The following MROH7 variants were observed in gnomAD, a reference collection of about 807,000 sequenced individuals.
MROH7 encodes maestro heat like repeat family member 7.
A neutral mutation model predicts 129.2 loss-of-function variants in MROH7; 113 were observed. That is an observed-to-expected ratio of 0.87 (90% confidence interval 0.75 to 1.02). The LOEUF (loss-of-function observed/expected upper bound fraction) is 1.02, where lower values mean the gene tolerates loss of function less well. Among genes scored for constraint, MROH7 ranks in the 50% least tolerant of loss-of-function variants. The pLI, the probability that MROH7 is intolerant of heterozygous loss-of-function variation, is 0.00. For synonymous variants in MROH7, 655 were observed against 667.9 expected, an observed-to-expected ratio of 0.98 and a Z score of 0.30; for missense variants, 1,601 against 1,671.3, an observed-to-expected ratio of 0.96 and a Z score of 0.73.
At chr1:54,708,428 A>ACAAACAAG (rs1419337395) in intron 22 of MROH7, among the ~76,000 whole-genome samples, 1 of 151,848 alleles carries the variant, frequency 6.6e-6, no homozygotes, top group Non-Finnish European at 1.5e-5. Flanking sequence ...AAACAAACAA[A>ACAAACAAG]CAAACAAACA....
At chr1:54,704,726 G>A (rs1051219095) in intron 21 of MROH7, among the ~76,000 whole-genome samples, 5 of 148,654 alleles carry the variant, frequency 3.4e-5, no homozygotes, top group African/African-American at 5.0e-5. Flanking sequence ...GATTACAGGC[G>A]TGAACCACTA....
In MROH7 at chr1:54,692,490, G is replaced by A; in HGVS notation, c.2778G>A (p.Leu926=). Residue 926 remains leucine (L), a synonymous_variant, in exon 16 of 24, where the codon CTG becomes CTA. Transcript: ENST00000421030. ...GCTGCTCTTATGAGACCACGTTTCT[G>A]GAGGACCAGGGTGGCTGGGAGCTCA... ...RMGCSYETTF[L]EDQGGWELME... 1 of 1,614,142 alleles carries A rather than the reference G, an allele frequency of 6.2e-7. No individual in the cohort carries two copies. The highest frequency in any genetic ancestry group is 2.2e-5 in the East Asian group (1 of 44,860).
chr1:54,686,381 C>A lies in MROH7; in HGVS notation c.2644C>A (p.Pro882Thr). The change falls in exon 15 of 24, where the codon CCT becomes ACT. Residue 882 changes from proline to threonine, a missense_variant. Pro to Thr is a conservative substitution (Grantham distance 38, BLOSUM62 -1). Transcript: ENST00000421030. The stretch of plus-strand genomic sequence containing the variant: ...CCATTACCACATCGGCCTCAACCTG[C>A]CTGGCTGCGTGGCTCCTCCCAAGGA... ...QVHYHIGLNLPGCVAPPKDTK... is the reference protein window; with the variant it reads ...QVHYHIGLNLTGCVAPPKDTK... The A allele has an allele frequency of 1.9e-6, 3 of 1,614,190 alleles. No homozygotes were observed. The highest frequency in any genetic ancestry group is 2.5e-6 in the Non-Finnish European group (3 of 1,180,034).
At chr1:54,655,643 G>A (rs1166320244) in intron 3 of MROH7, among the ~76,000 whole-genome samples, 1 of 151,936 alleles carries the variant, frequency 6.6e-6, no homozygotes. Context: ...TCCTCCCAGA[G>A]CTCTGGGACT....
In MROH7 at chr1:54,699,152, T is replaced by TTCTTTC. The variant is rs1645382115; in HGVS notation, c.2965-1167_2965-1162dup. ...TTTCTTTCTTTCTTTCTTTCTTTCT[T>TTCTTTC]TCTTTCTTTTCTTTCTTTCTTTCTT... On this transcript the variant is annotated intron_variant, in intron 17 of 23. Transcript: ENST00000421030. 2 of 83,356 alleles carry TTCTTTC rather than the reference T, an allele frequency of 2.4e-5. 1 individual carries two copies. Among genetic ancestry groups the TTCTTTC allele is most frequent in the African/African-American group, 9.2e-5 (2 of 21,852 alleles). The allele number at this position is 83,356 out of a possible 1,614,324, so 5.2% of individuals were successfully genotyped here. A position where few individuals can be genotyped will look rare whatever the true frequency, so the allele number is the denominator to read the frequency against.
At chr1:54,671,599 G>C (rs1484176564) in intron 7 of MROH7, among the ~76,000 whole-genome samples, 1 of 152,210 alleles carries the variant, frequency 6.6e-6, no homozygotes, top group Non-Finnish European at 1.5e-5. Context: ...GCTCATGCGA[G>C]CATCTTCAAA....
Position 54,670,947 on chromosome 1 carries a change from C to A in MROH7, c.1599+18C>A. 6.3e-7 allele frequency: 1 copy of A among 1,583,590 alleles called. No homozygotes were observed. Among genetic ancestry groups the A allele is most frequent in the East Asian group, 2.3e-5 (1 of 43,582 alleles). The stretch of plus-strand genomic sequence containing the variant: ...CCATCCAGGTGAGGCGGGACCTTCC[C>A]AGCAGGGCCTCAGGGCTGGCCCATG... On this transcript the variant is annotated intron_variant, in intron 7 of 23. Transcript: ENST00000421030.
chr1:54,652,991 C>G lies in MROH7; in HGVS notation c.65C>G (p.Pro22Arg), dbSNP rs746954048. Residue 22 changes from proline to arginine, a missense_variant, in exon 3 of 24, where the codon CCC (proline) becomes CGC (arginine). Coordinates refer to ENST00000421030, the MANE Select transcript of MROH7 (RefSeq NM_001039464.4). Reference protein sequence around the residue: ...HEDPKMTPSPPSCGAPGLGSG... With the variant: ...HEDPKMTPSPRSCGAPGLGSG... The stretch of plus-strand genomic sequence containing the variant: ...GACCCAAAGATGACACCAAGTCCCC[C>G]CTCCTGTGGGGCCCCGGGATTAGGG... 2.5e-6 allele frequency: 4 copies of G among 1,613,752 alleles called. No individual in the cohort carries two copies. In the East Asian group the frequency reaches 8.9e-5, roughly 36 times the overall value.
intron 3 of MROH7, among the ~76,000 whole-genome samples, chr1:54,657,824 C>A (rs1644672378): frequency 6.6e-6 from 1 of 152,026 alleles, no homozygotes; most frequent in East Asian, 1.9e-4. Flanking sequence ...CTATGCCCGG[C>A]TTATTTTGGT....
intron 15 of MROH7, among the ~76,000 whole-genome samples, chr1:54,688,249 TTGTTAGAGA>T (rs1346402172): frequency 6.6e-6 from 1 of 151,314 alleles, no homozygotes; most frequent in Non-Finnish European, 1.5e-5. Flanking sequence ...TTTTTTTTTT[TTGTTAGAGA>T]TGGAAGTCTT....
chr1:54,666,552 A>G (rs1644818622), intron 4 of MROH7, among the ~76,000 whole-genome samples: 1 of 146,592 alleles, frequency 6.8e-6, no homozygotes, highest in Non-Finnish European at 1.5e-5. Context: ...CTCCCATCTC[A>G]GCCTCCTGAG....
chr1:54,681,680 G>A (rs893438770), intron 13 of MROH7, among the ~76,000 whole-genome samples: 65 of 152,174 alleles, frequency 4.3e-4, no homozygotes, highest in African/African-American at 1.4e-3. Flanking sequence ...AACACCCTAT[G>A]ATAGGAGTTT....
rs575755762 is a variant in MROH7 at position 54,700,353 on chromosome 1, C to T, written c.2997C>T (p.Pro999=). Residue 999 remains proline (P), a synonymous_variant, in exon 18 of 24, where the codon CCC becomes CCT. Transcript: ENST00000421030. ...AGATGGAGCAGGTGCGCCGGATCCC[C>T]GAGGAATACTCTCTGGGGCGGATGG... The part of the protein sequence containing the change: ...LLQMEQVRRI[P]EEYSLGRMAE... 37 of 1,614,094 alleles carry T rather than the reference C, an allele frequency of 2.3e-5. 1 individual carries two copies. Among genetic ancestry groups the T allele is most frequent in the African/African-American group, 6.7e-5 (5 of 75,060 alleles).
At position 54,692,679 on chromosome 1, in the gene MROH7, A is replaced by T; in HGVS notation, c.2849+118A>T. 2.9e-6 allele frequency: 3 copies of T among 1,035,628 alleles called. No homozygotes were observed. The South Asian group carries it at 5.1e-5, about 18-fold the overall frequency. The allele number at this position is 1,035,628 out of a possible 1,614,324, so 64.2% of individuals were successfully genotyped here. ...GGCAAGACCCTTTGCTCAGTCTGTCACCTCTTCTCTACAACTGGGAGGGTG... is the reference window on the plus strand; with the variant it reads ...GGCAAGACCCTTTGCTCAGTCTGTCTCCTCTTCTCTACAACTGGGAGGGTG... On this transcript the variant is annotated intron_variant, in intron 16 of 23. Transcript: ENST00000421030.
chr1:54,691,803 A>AGTGTGTGTGTGTGTGTGTGTGTGTGT (rs373106798), intron 15 of MROH7, among the ~76,000 whole-genome samples: 1 of 104,188 alleles, frequency 9.6e-6, no homozygotes, highest in African/African-American at 3.9e-5. Flanking sequence ...AAAAAAAAAA[A>AGTGTGTGTGTGTGTGTGTGTGTGTGT]GTGTGTGTGT....
intron 4 of MROH7, among the ~76,000 whole-genome samples, chr1:54,666,440 T>TC (rs571044627): frequency 0.017 from 2,353 of 140,628 alleles, 27 homozygotes; most frequent in South Asian, 0.038. Context: ...TTTTTTTTTT[T>TC]TTTTTTTTTT....
chr1:54,683,289 G>T (rs897597251), intron 14 of MROH7, among the ~76,000 whole-genome samples: 1 of 152,156 alleles, frequency 6.6e-6, no homozygotes, highest in African/African-American at 2.4e-5. Flanking sequence ...TATGGCGGCT[G>T]TGAAGATTAT....
At chr1:54,688,939 C>T (rs1436183289) in intron 15 of MROH7, among the ~76,000 whole-genome samples, 5 of 152,050 alleles carry the variant, frequency 3.3e-5, no homozygotes, top group Non-Finnish European at 4.4e-5. Flanking sequence ...GAGGAGTGCC[C>T]GAGTATCCAC....
Position 54,670,835 on chromosome 1 carries a change from C to G in MROH7, c.1505C>G (p.Ser502Trp). The G allele has an allele frequency of 6.2e-7, 1 of 1,614,028 alleles. No individual in the cohort carries two copies. The highest frequency in any genetic ancestry group is 8.5e-7 in the Non-Finnish European group (1 of 1,179,994). The change falls in exon 7 of 24, where the codon TCG becomes TGG. Residue 502 changes from serine to tryptophan, a missense_variant. Physicochemically the swap from Ser to Trp is radical, Grantham distance 177. Transcript: ENST00000421030. ...TQPTLGMRER[S>W]ELVNVCVHSV... is the part of the protein sequence containing the mutation. The stretch of plus-strand genomic sequence containing the variant: ...CCCACCCTGGGCATGCGGGAGAGGT[C>G]GGAGCTGGTGAACGTGTGTGTGCAC...
Sources: allele counts gnomAD v4.1 joint callset (sites outside exome capture counted in the v4.1 genomes callset), GRCh38; gene constraint gnomAD v4.1.1; transcripts MANE v1.5; gene names NCBI Gene and HGNC (gene_info 2026-07-23, HGNC 2026-07-21).